Variants in RPS6KA6 observed in about 807,000 individuals in gnomAD.
RPS6KA6 encodes the protein ribosomal protein S6 kinase alpha-6.
A neutral mutation model predicts 65.4 loss-of-function variants in RPS6KA6; 27 were observed. The observed-to-expected ratio is 0.41, with a 90% confidence interval of 0.30 to 0.57. The LOEUF is 0.57. Among genes scored for constraint, RPS6KA6 ranks in the 20% least tolerant of loss-of-function variants. RPS6KA6 has a pLI of 0.24. For missense variants in RPS6KA6, 486 were observed against 555.6 expected, an observed-to-expected ratio of 0.87 and a Z score of 1.26; for synonymous variants, 190 against 184.2, an observed-to-expected ratio of 1.03 and a Z score of -0.26.
At chrX:84,180,960 G>A (rs2035843232) in intron 1 of RPS6KA6, among the ~76,000 whole-genome samples, 1 of 111,763 alleles carries the variant, frequency 8.9e-6, no homozygotes, top group African/African-American at 3.2e-5. Context: ...ATGTTTTGAA[G>A]AATGAATAAA....
At chrX:84,148,148 A>G (rs761257068) in intron 3 of RPS6KA6, 25 bp from the exon 4 acceptor site, 4 of 1,020,320 alleles carry the variant, frequency 3.9e-6, no homozygotes, top group African/African-American at 3.9e-5. Context: ...AACAAAAAAA[A>G]AAAGGAAAAT....
chrX:84,120,695 G>A (rs2034655863), intron 8 of RPS6KA6, among the ~76,000 whole-genome samples: 1 of 111,497 alleles, frequency 9.0e-6, no homozygotes, highest in Admixed American at 9.6e-5. Context: ...CCATGTTCAT[G>A]AATTGGACGA....
chrX:84,152,238 T>C (rs1420783253), intron 3 of RPS6KA6, among the ~76,000 whole-genome samples: 1 of 110,976 alleles, frequency 9.0e-6, no homozygotes, highest in Non-Finnish European at 1.9e-5. Context: ...GTGACTTTCC[T>C]AGCATGAGAA....
chrX:84,161,102 C>A (rs1430436194), intron 2 of RPS6KA6, among the ~76,000 whole-genome samples: 1 of 111,226 alleles, frequency 9.0e-6, no homozygotes, highest in African/African-American at 3.3e-5. Flanking sequence ...CACAAAACAT[C>A]CATAAAAATT....
chrX:84,088,768 C>T (rs746817195), intron 20 of RPS6KA6, among the ~76,000 whole-genome samples: 4 of 112,315 alleles, frequency 3.6e-5, no homozygotes, highest in African/African-American at 1.3e-4. Context: ...ACCCCTTCCC[C>T]GGGGGCCCTA....
chrX:84,061,485 G>A lies in RPS6KA6; in HGVS notation c.*2792C>T, dbSNP rs1422536449. 4 of 107,485 alleles carry A rather than the reference G, an allele frequency of 3.7e-5. No individual in the cohort carries two copies. Among genetic ancestry groups the A allele is most frequent in the Admixed American group, 1.0e-4 (1 of 9,724 alleles). The allele number at this position is 107,485 out of a possible 1,213,427, so 8.9% of individuals were successfully genotyped here. A position where few individuals can be genotyped will look rare whatever the true frequency, so the allele number is the denominator to read the frequency against. On this transcript the variant is annotated 3_prime_UTR_variant, in exon 22 of 22. Transcript: ENST00000262752. Reference sequence around the variant, plus strand: ...GCTGAGTCTAACAAAATAGGCTGAAGTTTGATCTTTGTGAAAGGACTTGAA... The same window carrying A: ...GCTGAGTCTAACAAAATAGGCTGAAATTTGATCTTTGTGAAAGGACTTGAA...
intron 9 of RPS6KA6, 68 bp from the exon 10 acceptor site, chrX:84,117,522 A>C (rs893303161): frequency 4.8e-5 from 32 of 663,010 alleles, no homozygotes; most frequent in Non-Finnish European, 6.7e-5. Flanking sequence ...GATTCTCTAG[A>C]AAAAAACTGA....
At chrX:84,074,665 A>C (rs1328234751) in intron 20 of RPS6KA6, among the ~76,000 whole-genome samples, 1 of 111,839 alleles carries the variant, frequency 8.9e-6, no homozygotes, top group African/African-American at 3.3e-5. Flanking sequence ...AATTAAAAAT[A>C]AATCTTAAGA....
At chrX:84,086,631 C>G (rs2033929271) in intron 20 of RPS6KA6, among the ~76,000 whole-genome samples, 1 of 110,840 alleles carries the variant, frequency 9.0e-6, no homozygotes, top group Non-Finnish European at 1.9e-5. Flanking sequence ...GAGAAGAATG[C>G]ATATTCTGTT....
chrX:84,063,294 C>T lies in RPS6KA6; in HGVS notation c.*983G>A, dbSNP rs1360606566. The T allele has an allele frequency of 1.8e-5, 2 of 110,377 alleles. No individual in the cohort carries two copies. Among genetic ancestry groups the T allele is most frequent in the African/African-American group, 6.5e-5 (2 of 30,544 alleles). 9.1% of individuals were successfully genotyped at this position (110,377 alleles called of 1,213,427 possible). A position where few individuals can be genotyped will look rare whatever the true frequency, so the allele number is the denominator to read the frequency against. Reference sequence around the variant, plus strand: ...TACAGCAAGATGTCAACTGTATTATCATAGGATTCAAGGTAGAATGATATG... The same window carrying T: ...TACAGCAAGATGTCAACTGTATTATTATAGGATTCAAGGTAGAATGATATG... On this transcript the variant is annotated 3_prime_UTR_variant, in exon 22 of 22. Transcript: ENST00000262752.
rs187017758 is a variant in RPS6KA6 at position 84,108,630 on chromosome X, C to T, written c.1009-905G>A. ...ACAATTCTGCCACAGACTTTCAATG[C>T]TAACCATAGGTAAACCCCCTTGAAT... is the stretch of plus-strand genomic sequence containing the variant. On this transcript the variant is annotated intron_variant, in intron 12 of 21. Transcript: ENST00000262752. Among the ~76,000 whole-genome samples, 5 of 111,437 alleles carry T rather than the reference C, an allele frequency of 4.5e-5. No homozygotes were observed. In the South Asian group the frequency reaches 1.5e-3, roughly 33 times the overall value.
intron 14 of RPS6KA6, 102 bp from the exon 15 acceptor site, chrX:84,106,589 T>TG: frequency 1.7e-6 from 1 of 589,047 alleles, no homozygotes; most frequent in Non-Finnish European, 2.5e-6. Context: ...TAAACTAGAA[T>TG]AATTCATTCT....
chrX:84,159,778 T>C (rs1408397945), intron 2 of RPS6KA6, among the ~76,000 whole-genome samples: 2 of 110,560 alleles, frequency 1.8e-5, no homozygotes, highest in Non-Finnish European at 3.8e-5. Flanking sequence ...AAAGAAGTAA[T>C]TAAGGTAAAA....
intron 20 of RPS6KA6, among the ~76,000 whole-genome samples, chrX:84,093,718 T>C (rs898285009): frequency 7.1e-5 from 8 of 112,409 alleles, no homozygotes; most frequent in Admixed American, 5.7e-4. Flanking sequence ...AGATTTTTTT[T>C]TGCATTTTTA....
chrX:84,136,941 A>C (rs2035001321), intron 6 of RPS6KA6, among the ~76,000 whole-genome samples: 1 of 111,328 alleles, frequency 9.0e-6, no homozygotes, highest in Non-Finnish European at 1.9e-5. Context: ...ATAAGAATGA[A>C]CTCTTTCCCA....
At chrX:84,075,232 AAAAC>A (rs201423965) in intron 20 of RPS6KA6, among the ~76,000 whole-genome samples, 2,023 of 110,947 alleles carry the variant, frequency 0.018, 44 homozygotes, top group African/African-American at 0.059. Flanking sequence ...ACTCCGTCGC[AAAAC>A]AAACAAACAA....
intron 20 of RPS6KA6, among the ~76,000 whole-genome samples, chrX:84,086,906 C>A (rs1232319232): frequency 2.7e-5 from 3 of 111,435 alleles, no homozygotes; most frequent in African/African-American, 6.5e-5. Context: ...GAGCCCTTTA[C>A]CATCATGTAA....
chrX:84,148,653 C>T (rs1452878932), intron 3 of RPS6KA6, among the ~76,000 whole-genome samples: 1 of 111,230 alleles, frequency 9.0e-6, no homozygotes, highest in Non-Finnish European at 1.9e-5. Flanking sequence ...GACCCAGGCC[C>T]ACTTTTTGTT....
At chrX:84,099,885 A>G (rs191347526) in intron 18 of RPS6KA6, among the ~76,000 whole-genome samples, 1 of 111,600 alleles carries the variant, frequency 9.0e-6, no homozygotes, top group East Asian at 2.8e-4. Flanking sequence ...TGCAATAATC[A>G]GTGTAGCTCT....
Sources: allele counts gnomAD v4.1 joint callset (sites outside exome capture counted in the v4.1 genomes callset), GRCh38; gene constraint gnomAD v4.1.1; transcripts MANE v1.5; gene names NCBI Gene and HGNC (gene_info 2026-07-23, HGNC 2026-07-21).